ASTN2: variants seen among roughly 807,000 people sequenced by gnomAD.
ASTN2 encodes astrotactin-2.
ASTN2 carries 54 observed loss-of-function variants against 139.8 expected under a neutral mutation model. The observed-to-expected ratio is 0.39, with a 90% confidence interval of 0.31 to 0.48. ASTN2 has a LOEUF of 0.48. Among genes scored for constraint, ASTN2 ranks in the 20% least tolerant of loss-of-function variants. The probability of loss-of-function intolerance (pLI) is 0.95; values close to 1 mark genes in which losing one functional copy is unlikely to be tolerated. For synonymous variants in ASTN2, 756 were observed against 719.5 expected (o/e 1.05, Z -0.81); for missense variants, 1,565 against 1,725.1 (o/e 0.91, Z 1.64).
chr9:117,180,621 G>A (rs1009127349), intron 3 of ASTN2: 1 of 1,169,196 alleles, frequency 8.6e-7, no homozygotes, highest in African/African-American at 1.6e-5. Context: ...AACTGATCTG[G>A]AGTATCTTTT....
At chr9:117,346,095 G>A (rs934436651) in intron 1 of ASTN2, among the ~76,000 whole-genome samples, 2 of 151,750 alleles carry the variant, frequency 1.3e-5, no homozygotes, top group Admixed American at 6.6e-5. Context: ...GAGGCTCAGG[G>A]GTGTTACAGA....
chr9:117,026,910 C>G (rs752586404), intron 6 of ASTN2, among the ~76,000 whole-genome samples: 1 of 151,926 alleles, frequency 6.6e-6, no homozygotes, highest in Non-Finnish European at 1.5e-5. Context: ...GATGCACAAA[C>G]GAGGCTTAGA....
At chr9:116,959,330 A>T (rs1835813049) in intron 10 of ASTN2, among the ~76,000 whole-genome samples, 1 of 152,166 alleles carries the variant, frequency 6.6e-6, no homozygotes, top group Non-Finnish European at 1.5e-5. Flanking sequence ...AGCACTCAAG[A>T]AGGCTGAAAC....
intron 4 of ASTN2, among the ~76,000 whole-genome samples, chr9:117,113,408 C>T (rs567121282): frequency 3.9e-5 from 6 of 152,196 alleles, no homozygotes; most frequent in African/African-American, 1.4e-4. Context: ...GCAATCCCAG[C>T]ACATTGGGAG....
intron 14 of ASTN2, among the ~76,000 whole-genome samples, chr9:116,732,071 C>T (rs865845377): frequency 1.3e-5 from 2 of 152,214 alleles, no homozygotes; most frequent in South Asian, 2.1e-4. Flanking sequence ...GTGTCTTTTA[C>T]ATCCATCATT....
At chr9:117,112,351 A>T (rs1829271995) in intron 4 of ASTN2, among the ~76,000 whole-genome samples, 1 of 152,168 alleles carries the variant, frequency 6.6e-6, no homozygotes, top group Non-Finnish European at 1.5e-5. Context: ...TTATAGAAGA[A>T]CAAAGTTGGT....
At chr9:116,621,933 C>A (rs776097581) in intron 17 of ASTN2, among the ~76,000 whole-genome samples, 21 of 152,344 alleles carry the variant, frequency 1.4e-4, no homozygotes, top group African/African-American at 4.8e-5. Flanking sequence ...TTTCAACGCA[C>A]TGCACATTCT....
intron 1 of ASTN2, among the ~76,000 whole-genome samples, chr9:117,376,591 C>A (rs1256057326): frequency 3.3e-5 from 5 of 152,134 alleles, no homozygotes; most frequent in African/African-American, 1.2e-4. Flanking sequence ...TCCTTCTCAG[C>A]AGCCAGGCAA....
intron 2 of ASTN2, among the ~76,000 whole-genome samples, chr9:117,256,127 T>A (rs1408219743): frequency 6.6e-6 from 1 of 152,184 alleles, no homozygotes; most frequent in Non-Finnish European, 1.5e-5. Flanking sequence ...GACTGTTTTC[T>A]CTGTTTGATG....
chr9:116,574,186 T>C (rs1413415454), intron 19 of ASTN2, among the ~76,000 whole-genome samples: 1 of 152,200 alleles, frequency 6.6e-6, no homozygotes, highest in Non-Finnish European at 1.5e-5. Flanking sequence ...GTGCTTGACA[T>C]TGCCATGTAG....
chr9:116,976,666 G>T, intron 8 of ASTN2, 35 bp downstream of exon 8: 4 of 1,597,258 alleles, frequency 2.5e-6, no homozygotes, highest in Non-Finnish European at 3.4e-6. Context: ...AGTGGGTCCT[G>T]CACTGTCCTG....
At chr9:116,899,902 C>T (rs147622843) in intron 10 of ASTN2, among the ~76,000 whole-genome samples, 169 of 152,228 alleles carry the variant, frequency 1.1e-3, no homozygotes, top group African/African-American at 3.9e-3. Flanking sequence ...CAAGCAGACC[C>T]GTAAAAGTGG....
chr9:117,060,490 A>AAGG (rs1564406789), intron 5 of ASTN2, among the ~76,000 whole-genome samples: 1 of 74,900 alleles, frequency 1.3e-5, no homozygotes, highest in Non-Finnish European at 2.7e-5. Flanking sequence ...GGAAGGAATG[A>AAGG]AAGAAAGAAA....
At chr9:116,999,548 C>CTTTTTTTTTTTTTTTTTTTTTTTT (rs71379248) in intron 7 of ASTN2, among the ~76,000 whole-genome samples, 10 of 94,966 alleles carry the variant, frequency 1.1e-4, no homozygotes, top group East Asian at 3.2e-4. Flanking sequence ...TTCTCTCTTT[C>CTTTTTTTTTTTTTTTTTTTTTTTT]TTTTTTTTTT....
intron 4 of ASTN2, among the ~76,000 whole-genome samples, chr9:117,133,734 G>T (rs146542947): frequency 6.6e-6 from 1 of 152,282 alleles, no homozygotes; most frequent in East Asian, 1.9e-4. Context: ...TTTGGAGGAG[G>T]TATGCACGAC....
intron 19 of ASTN2, among the ~76,000 whole-genome samples, chr9:116,523,424 G>A (rs1394727651): frequency 6.6e-6 from 1 of 152,154 alleles, no homozygotes; most frequent in African/African-American, 2.4e-5. Context: ...CAGGAGCATT[G>A]CAGAGCTCAC....
chr9:116,805,849 G>C (rs777479262), intron 12 of ASTN2, 29 bp from the exon 13 acceptor site: 10 of 1,604,780 alleles, frequency 6.2e-6, no homozygotes. Context: ...CTCAGAATTA[G>C]CTTCACATCC....
intron 10 of ASTN2, among the ~76,000 whole-genome samples, chr9:116,868,247 A>G (rs1038004994): frequency 1.3e-5 from 2 of 152,200 alleles, no homozygotes; most frequent in African/African-American, 2.4e-5. Flanking sequence ...CAAGAGCCCT[A>G]GAAATGACAG....
intron 19 of ASTN2, among the ~76,000 whole-genome samples, chr9:116,598,179 T>A (rs928958011): frequency 1.3e-5 from 2 of 152,138 alleles, no homozygotes; most frequent in Non-Finnish European, 2.9e-5. Flanking sequence ...TCCAGGGAAG[T>A]ACCCAAAATC....
Sources: gnomAD v4.1 joint callset for allele counts (sites outside exome capture counted in the v4.1 genomes callset) on GRCh38, gnomAD v4.1.1 for gene constraint, MANE v1.5 for transcripts, NCBI Gene and HGNC (gene_info 2026-07-23, HGNC 2026-07-21) for gene names.